The following LYPLAL1 variants were observed in gnomAD, a reference collection of about 807,000 sequenced individuals.
LYPLAL1 encodes the protein lysophospholipase like 1.
In LYPLAL1, 23 loss-of-function variants were observed where a neutral mutation model predicts 19.7. The ratio of observed to expected loss-of-function variants is 1.17; its 90% CI spans 0.84 to 1.65. The LOEUF (loss-of-function observed/expected upper bound fraction) is 1.65, where lower values mean the gene tolerates loss of function less well. Among genes scored for constraint, LYPLAL1 ranks in the 40% most tolerant of loss-of-function variants. The pLI is 0.00. For synonymous variants in LYPLAL1, 119 were observed against 96.3 expected (o/e 1.24, Z -1.38); for missense variants, 355 against 279.4 (o/e 1.27, Z -1.93).
chr1:219,414,160 G>A, the LYPLAL1 span, among the ~76,000 whole-genome samples: 1 of 152,138 alleles, frequency 6.6e-6, no homozygotes, highest in African/African-American at 2.4e-5. Context: ...TAGCCCTTTC[G>A]ATTTTTCCCA....
the LYPLAL1 span, among the ~76,000 whole-genome samples, chr1:219,404,892 C>A: frequency 6.6e-6 from 1 of 152,186 alleles, no homozygotes; most frequent in Non-Finnish European, 1.5e-5. Context: ...TTTGACACCA[C>A]GTCCTTTTTA....
At chr1:219,205,389 A>G (rs1658491878) in intron 3 of LYPLAL1, among the ~76,000 whole-genome samples, 1 of 151,732 alleles carries the variant, frequency 6.6e-6, no homozygotes, top group Non-Finnish European at 1.5e-5. Flanking sequence ...CAAAAAAAAC[A>G]AAAGCACTCA....
intron 3 of LYPLAL1, among the ~76,000 whole-genome samples, chr1:219,197,975 C>T (rs985044209): frequency 1.4e-4 from 21 of 152,082 alleles, no homozygotes; most frequent in Admixed American, 2.0e-4. Context: ...AAAAAAGTCA[C>T]CTGGGAGAAA....
the LYPLAL1 span, among the ~76,000 whole-genome samples, chr1:219,419,594 C>CACACACACACACACAGAG: frequency 1.3e-4 from 13 of 99,600 alleles, no homozygotes; most frequent in African/African-American, 3.6e-4. Context: ...CACACACACA[C>CACACACACACACACAGAG]AGAGAGAGAG....
chr1:219,212,942 C>T (rs1659152011), downstream of LYPLAL1: 1 of 152,028 alleles, frequency 6.6e-6, no homozygotes, highest in South Asian at 2.1e-4. Context: ...TTTAGGCATA[C>T]TTATAACCTT....
chr1:219,314,354 T>C, the LYPLAL1 span, among the ~76,000 whole-genome samples: 1 of 152,280 alleles, frequency 6.6e-6, no homozygotes, highest in East Asian at 1.9e-4. Context: ...ATGGGATTGC[T>C]GTATCAAATG....
At chr1:219,352,454 C>CTTGCA in the LYPLAL1 span, among the ~76,000 whole-genome samples, 3 of 152,060 alleles carry the variant, frequency 2.0e-5, no homozygotes, top group Non-Finnish European at 1.5e-5. Flanking sequence ...GGAGGTGGAG[C>CTTGCA]TTGCAGTAAG....
At chr1:219,254,432 A>G in the LYPLAL1 span, among the ~76,000 whole-genome samples, 1 of 151,952 alleles carries the variant, frequency 6.6e-6, no homozygotes, top group Admixed American at 6.6e-5. Flanking sequence ...TTTTCTGTCC[A>G]TATTTAGGAC....
the LYPLAL1 span, among the ~76,000 whole-genome samples, chr1:219,439,980 T>TATATACACATATATATATATAC: frequency 2.3e-4 from 15 of 65,446 alleles, no homozygotes; most frequent in African/African-American, 8.4e-4. Context: ...TATACATATA[T>TATATACACATATATATATATAC]ATATATATAT....
At chr1:219,440,024 C>T in the LYPLAL1 span, among the ~76,000 whole-genome samples, 88,346 of 132,068 alleles carry the variant, frequency 0.67, 28,574 homozygotes, top group Non-Finnish European at 0.71. Flanking sequence ...CACACACACA[C>T]ATATATATAT....
chr1:219,210,381 C>T (rs925850440), intron 3 of LYPLAL1, 151 bp from the exon 4 acceptor site: 4 of 502,378 alleles, frequency 8.0e-6, no homozygotes, highest in African/African-American at 1.9e-5. Flanking sequence ...TATCGCAGGC[C>T]TTTGTCTGTG....
the LYPLAL1 span, among the ~76,000 whole-genome samples, chr1:219,374,453 A>G: frequency 6.6e-6 from 1 of 152,132 alleles, no homozygotes; most frequent in African/African-American, 2.4e-5. Flanking sequence ...ATTTGATCTT[A>G]CTGTGAAATA....
At chr1:219,422,970 C>G in the LYPLAL1 span, among the ~76,000 whole-genome samples, 1 of 152,160 alleles carries the variant, frequency 6.6e-6, no homozygotes. Context: ...TTGCACATCC[C>G]TCCTTCCCAC....
the LYPLAL1 span, among the ~76,000 whole-genome samples, chr1:219,387,890 A>T: frequency 3.1e-3 from 468 of 152,314 alleles, 3 homozygotes; most frequent in African/African-American, 0.011. Context: ...TGGTATTTAC[A>T]GTTGAAAAAT....
At chr1:219,321,156 C>T in the LYPLAL1 span, among the ~76,000 whole-genome samples, 8 of 152,262 alleles carry the variant, frequency 5.3e-5, no homozygotes, top group East Asian at 1.2e-3. Flanking sequence ...GATGGTATCT[C>T]ATTGTGGTTT....
At chr1:219,200,303 A>C (rs1657992763) in intron 3 of LYPLAL1, 2 of 209,548 alleles carry the variant, frequency 9.5e-6, no homozygotes, top group Non-Finnish European at 2.1e-5. Context: ...CTTCTGTTTC[A>C]TCAGTCATTT....
At chr1:219,310,688 A>C in the LYPLAL1 span, among the ~76,000 whole-genome samples, 1 of 152,212 alleles carries the variant, frequency 6.6e-6, no homozygotes, top group South Asian at 2.1e-4. Context: ...AAAAAAGTGA[A>C]GTGAAATAAA....
the LYPLAL1 span, among the ~76,000 whole-genome samples, chr1:219,219,143 G>T: frequency 6.6e-6 from 1 of 152,150 alleles, no homozygotes; most frequent in Non-Finnish European, 1.5e-5. Flanking sequence ...CCAGGGCCAA[G>T]ATGGTATCAT....
At chr1:219,300,020 C>T in the LYPLAL1 span, among the ~76,000 whole-genome samples, 10 of 152,098 alleles carry the variant, frequency 6.6e-5, no homozygotes, top group Non-Finnish European at 1.5e-4. Context: ...GCTCTGTCAC[C>T]CAGGTTGGAG....
Sources: allele counts gnomAD v4.1 joint callset (sites outside exome capture counted in the v4.1 genomes callset), GRCh38; gene constraint gnomAD v4.1.1; transcripts MANE v1.5; gene names NCBI Gene and HGNC (gene_info 2026-07-23, HGNC 2026-07-21).